Variants in PDE8B observed in about 807,000 individuals in gnomAD.
PDE8B encodes the protein high affinity cAMP-specific and IBMX-insensitive 3',5'-cyclic phosphodiesterase 8B.
Under a neutral mutation model 101.3 loss-of-function variants are expected in PDE8B, and 26 were observed. The ratio of observed to expected loss-of-function variants is 0.26; its 90% CI spans 0.19 to 0.36. The LOEUF (loss-of-function observed/expected upper bound fraction) is 0.36, where lower values mean the gene tolerates loss of function less well. Ranked by LOEUF, PDE8B falls within the 10% of genes least tolerant of loss-of-function variation. The probability of loss-of-function intolerance (pLI) is 1.00; values close to 1 mark genes in which losing one functional copy is unlikely to be tolerated. For missense variants in PDE8B, 810 were observed against 1,163.1 expected (o/e 0.70, Z 4.42); for synonymous variants, 424 against 429.3 (o/e 0.99, Z 0.15).
rs116060539 is a variant in PDE8B at position 77,359,473 on chromosome 5, G to T, written c.1167+6067G>T. 9.9e-3 allele frequency among the ~76,000 whole-genome samples: 1,502 copies of T among 152,310 alleles called. 16 individuals are homozygous for T. Among genetic ancestry groups the T allele is most frequent in the Middle Eastern group, 0.017 (5 of 294 alleles). On this transcript the variant is annotated intron_variant, in intron 10 of 21. Coordinates refer to ENST00000264917, the MANE Select transcript of PDE8B (RefSeq NM_003719.5). The stretch of plus-strand genomic sequence containing the variant: ...GGCCCGCAGGACAGCAGGCTGGGGG[G>T]TGTCTGCCCTGCACGGATGGGGTTT...
chr5:77,136,450 T>G, the PDE8B span, among the ~76,000 whole-genome samples: 12 of 152,194 alleles, frequency 7.9e-5, no homozygotes, highest in African/African-American at 2.7e-4. Context: ...TTAAAAGCAC[T>G]TATCTAAACA....
At chr5:77,421,358 CAAG>C (rs1175206094) in intron 19 of PDE8B, among the ~76,000 whole-genome samples, 1 of 152,034 alleles carries the variant, frequency 6.6e-6, no homozygotes, top group Non-Finnish European at 1.5e-5. Context: ...TAGTAGAAAT[CAAG>C]AAATAATTGA....
At chr5:77,306,456 G>T (rs1195426891) in intron 1 of PDE8B, among the ~76,000 whole-genome samples, 2 of 152,178 alleles carry the variant, frequency 1.3e-5, no homozygotes, top group Non-Finnish European at 2.9e-5. Flanking sequence ...CAAAATCAGT[G>T]CTATGAATAC....
At chr5:77,368,646 C>G (rs1158818658) in intron 10 of PDE8B, among the ~76,000 whole-genome samples, 1 of 152,174 alleles carries the variant, frequency 6.6e-6, no homozygotes, top group Non-Finnish European at 1.5e-5. Context: ...CCTCTTCTTT[C>G]CCCAAGGGCC....
chr5:77,423,631 AG>A (rs1173463098), intron 20 of PDE8B, among the ~76,000 whole-genome samples: 5 of 26,622 alleles, frequency 1.9e-4, no homozygotes, highest in African/African-American at 2.5e-4. Context: ...TGTTTTGTTT[AG>A]TTTTTTTTTT....
intron 1 of PDE8B, among the ~76,000 whole-genome samples, chr5:77,250,928 A>T (rs919546722): frequency 1.5e-4 from 23 of 152,260 alleles, no homozygotes; most frequent in African/African-American, 5.5e-4. Flanking sequence ...AGATCAGGTT[A>T]TAAAAGCACA....
chr5:77,370,886 A>T (rs567312322), intron 10 of PDE8B, among the ~76,000 whole-genome samples: 2 of 152,324 alleles, frequency 1.3e-5, no homozygotes, highest in Admixed American at 6.5e-5. Context: ...CACTTCTCTG[A>T]TGACTAATAA....
chr5:77,185,775 C>G, the PDE8B span, among the ~76,000 whole-genome samples: 47 of 152,200 alleles, frequency 3.1e-4, no homozygotes, highest in East Asian at 8.9e-3. Flanking sequence ...TCTGAATTCC[C>G]TGGGTAATAT....
At chr5:77,088,367 A>G in the PDE8B span, 3 of 150,710 alleles carry the variant, frequency 2.0e-5, no homozygotes, top group Non-Finnish European at 2.9e-5. Flanking sequence ...AGCTCAATAG[A>G]CCCTCTGCCT....
intron 10 of PDE8B, among the ~76,000 whole-genome samples, chr5:77,397,456 T>C (rs900921816): frequency 6.6e-6 from 1 of 152,182 alleles, no homozygotes; most frequent in Non-Finnish European, 1.5e-5. Context: ...TATAGACTTA[T>C]AAGATTCTTC....
chr5:77,396,297 C>A (rs900077877), intron 10 of PDE8B, among the ~76,000 whole-genome samples: 19 of 152,182 alleles, frequency 1.2e-4, no homozygotes, highest in Admixed American at 1.2e-3. Flanking sequence ...CATTATTTTC[C>A]CCTTTGTAGA....
At chr5:77,360,159 A>G (rs1782838919) in intron 10 of PDE8B, among the ~76,000 whole-genome samples, 1 of 152,174 alleles carries the variant, frequency 6.6e-6, no homozygotes, top group Non-Finnish European at 1.5e-5. Context: ...TAGCTGAGCT[A>G]TTTCTTAAAA....
At chr5:77,367,693 G>A (rs1784402415) in intron 10 of PDE8B, among the ~76,000 whole-genome samples, 1 of 152,078 alleles carries the variant, frequency 6.6e-6, no homozygotes, top group African/African-American at 2.4e-5. Flanking sequence ...ACCATGCCCT[G>A]CTAATTTTTG....
At chr5:77,282,405 T>C (rs975167974) in intron 1 of PDE8B, among the ~76,000 whole-genome samples, 1 of 152,094 alleles carries the variant, frequency 6.6e-6, no homozygotes, top group African/African-American at 2.4e-5. Context: ...GCCCCCACAC[T>C]GCGCTGCCCC....
the PDE8B span, chr5:77,140,653 A>G: frequency 6.6e-6 from 1 of 152,188 alleles, no homozygotes; most frequent in South Asian, 2.1e-4. Flanking sequence ...GAGACATAAG[A>G]TTTGATTTGG....
chr5:77,211,102 G>A lies in PDE8B; in HGVS notation c.177G>A (p.Ser59=), dbSNP rs1486425201. The change falls in exon 1 of 22, where the codon TCG becomes TCA. Residue 59 remains serine, a synonymous_variant. Transcript: ENST00000264917. This position sits in a 1 kb window ranked among gnomAD's most constrained non-coding sequence, Gnocchi z 4.1. Reference sequence around the variant, plus strand: ...ACGCCATCCCCCCGAGCCGCGCGTCGGGACCCCCCAGCGTAGCCCGCGTCC... The same window carrying A: ...ACGCCATCCCCCCGAGCCGCGCGTCAGGACCCCCCAGCGTAGCCCGCGTCC... ...AADAIPPSRA[S]GPPSVARVRR... 6 of 1,492,232 alleles carry A rather than the reference G, an allele frequency of 4.0e-6. No individual in the cohort carries two copies. The highest frequency in any genetic ancestry group is 1.5e-5 in the African/African-American group (1 of 68,756). 92.4% of individuals were successfully genotyped at this position (1,492,232 alleles called of 1,614,324 possible).
chr5:77,146,964 A>G, the PDE8B span: 1 of 453,654 alleles, frequency 2.2e-6, no homozygotes, highest in African/African-American at 2.0e-5. Context: ...ATTGGAAGAG[A>G]TGTGGAAGGG....
At chr5:77,281,097 C>T (rs530021208) in intron 1 of PDE8B, among the ~76,000 whole-genome samples, 15 of 152,286 alleles carry the variant, frequency 9.8e-5, no homozygotes, top group African/African-American at 3.1e-4. Flanking sequence ...CCACAGTGCC[C>T]GTGGAAGCGC....
chr5:77,266,902 A>G (rs1761826797), intron 1 of PDE8B, among the ~76,000 whole-genome samples: 1 of 151,840 alleles, frequency 6.6e-6, no homozygotes, highest in Admixed American at 6.6e-5. Context: ...TCAACAAATT[A>G]TGAATATTAT....
Sources: gnomAD v4.1 joint callset for allele counts (sites outside exome capture counted in the v4.1 genomes callset) on GRCh38, gnomAD v4.1.1 for gene constraint, Gnocchi (gnomAD v3.1) non-coding constraint, MANE v1.5 for transcripts, NCBI Gene and HGNC (gene_info 2026-07-23, HGNC 2026-07-21) for gene names.